Variants in CNTLN observed in about 807,000 individuals in gnomAD.
The protein encoded by CNTLN is centlein, centrosomal protein.
In CNTLN, 212 loss-of-function variants were observed where a neutral mutation model predicts 180.0. The ratio of observed to expected loss-of-function variants is 1.18; its 90% CI spans 1.05 to 1.32. The LOEUF (loss-of-function observed/expected upper bound fraction) is 1.32. Among genes scored for constraint, CNTLN ranks in the 40% most tolerant of loss-of-function variants. The probability of loss-of-function intolerance (pLI) is 0.00; values close to 1 mark genes in which losing one functional copy is unlikely to be tolerated. For synonymous variants in CNTLN, 722 were observed against 563.1 expected (o/e 1.28, Z -3.99); for missense variants, 2,095 against 1,610.9 (o/e 1.30, Z -5.14).
chr9:17,275,357 C>T (rs1828245171), intron 6 of CNTLN, among the ~76,000 whole-genome samples: 1 of 152,076 alleles, frequency 6.6e-6, no homozygotes, highest in Non-Finnish European at 1.5e-5. Context: ...ACCATCTAAT[C>T]CCTATTCTGT....
chr9:17,517,832 T>C, the CNTLN span, among the ~76,000 whole-genome samples: 3 of 152,006 alleles, frequency 2.0e-5, no homozygotes, highest in East Asian at 5.8e-4. Flanking sequence ...GGGAAAGTAA[T>C]ACAAAGGGTG....
intron 6 of CNTLN, among the ~76,000 whole-genome samples, chr9:17,292,892 A>G (rs670058): frequency 0.49 from 74,977 of 151,788 alleles, 19,696 homozygotes; most frequent in South Asian, 0.73. Context: ...GGCTTTTTGA[A>G]TTTTCATTGA....
chr9:17,248,455 C>G (rs1033505282), intron 5 of CNTLN, among the ~76,000 whole-genome samples: 1 of 150,730 alleles, frequency 6.6e-6, no homozygotes, highest in African/African-American at 2.4e-5. Context: ...TTTAGGTAAT[C>G]CAGGTGTTTC....
At chr9:17,413,928 G>C (rs915086149) in intron 16 of CNTLN, among the ~76,000 whole-genome samples, 2 of 152,146 alleles carry the variant, frequency 1.3e-5, no homozygotes, top group Non-Finnish European at 2.9e-5. Context: ...TAGAACCTTT[G>C]TTTGTAATAG....
At chr9:17,257,999 A>G (rs1333509522) in intron 5 of CNTLN, among the ~76,000 whole-genome samples, 9 of 149,942 alleles carry the variant, frequency 6.0e-5, no homozygotes, top group Non-Finnish European at 1.3e-4. Context: ...CCATTTGTCA[A>G]TTTTGTCTTT....
intron 2 of CNTLN, among the ~76,000 whole-genome samples, chr9:17,152,873 G>T (rs1207832222): frequency 1.3e-5 from 2 of 152,038 alleles, no homozygotes; most frequent in Non-Finnish European, 2.9e-5. Context: ...ATTTAGGATA[G>T]TTCACTCTTG....
In CNTLN at chr9:17,502,835, A is replaced by G. The variant is rs1459343543; in HGVS notation, c.*183A>G. ...AGTGAAACTAATTAAGTACATAGCCATTTAAAAGGAAATAGTGTAGCATCT... is the reference window on the plus strand; with the variant it reads ...AGTGAAACTAATTAAGTACATAGCCGTTTAAAAGGAAATAGTGTAGCATCT... On this transcript the variant is annotated 3_prime_UTR_variant, in exon 26 of 26. Coordinates refer to ENST00000380647, the MANE Select transcript of CNTLN (RefSeq NM_017738.4). The G allele has an allele frequency of 3.0e-6, 1 of 334,036 alleles. No homozygotes were observed. Among genetic ancestry groups the G allele is most frequent in the Admixed American group, 5.3e-5 (1 of 19,038 alleles). 20.7% of individuals were successfully genotyped at this position (334,036 alleles called of 1,614,324 possible). A position where few individuals can be genotyped will look rare whatever the true frequency, so the allele number is the denominator to read the frequency against.
At chr9:17,516,415 T>C in the CNTLN span, among the ~76,000 whole-genome samples, 1 of 152,198 alleles carries the variant, frequency 6.6e-6, no homozygotes, top group African/African-American at 2.4e-5. Flanking sequence ...ATTCAATTAA[T>C]GTTTTATGTG....
chr9:17,480,148 A>G lies in CNTLN; in HGVS notation c.3856-4147A>G, dbSNP rs147269852. 2.8e-3 allele frequency among the ~76,000 whole-genome samples: 422 copies of G among 152,180 alleles called. 2 individuals are homozygous for G. The highest frequency in any genetic ancestry group is 0.014 in the Middle Eastern group (4 of 294). On this transcript the variant is annotated intron_variant, in intron 23 of 25. Coordinates refer to ENST00000380647, the MANE Select transcript of CNTLN (RefSeq NM_017738.4). Reference sequence around the variant, plus strand: ...CAAGGCTATAGTGAGCTATGATTACACCACTGCATTTCAGCCCGGGTGACA... The same window carrying G: ...CAAGGCTATAGTGAGCTATGATTACGCCACTGCATTTCAGCCCGGGTGACA...
chr9:17,345,870 C>T (rs1437866841), intron 12 of CNTLN, among the ~76,000 whole-genome samples: 1 of 152,148 alleles, frequency 6.6e-6, no homozygotes, highest in African/African-American at 2.4e-5. Flanking sequence ...CTACTGTCCT[C>T]ATTGCTAGTC....
chr9:17,472,916 T>C (rs1162487844), intron 23 of CNTLN, among the ~76,000 whole-genome samples: 1 of 152,142 alleles, frequency 6.6e-6, no homozygotes, highest in Non-Finnish European at 1.5e-5. Flanking sequence ...CACTAATTAC[T>C]ACCACCCTCC....
At chr9:17,266,149 C>G (rs1192202410) in intron 5 of CNTLN, among the ~76,000 whole-genome samples, 1 of 150,522 alleles carries the variant, frequency 6.6e-6, no homozygotes, top group Non-Finnish European at 1.5e-5. Flanking sequence ...AGTTTTGGAT[C>G]TTCCTGCTTT....
At chr9:17,318,032 T>TC (rs567378107) in intron 8 of CNTLN, among the ~76,000 whole-genome samples, 347 of 147,092 alleles carry the variant, frequency 2.4e-3, no homozygotes, top group East Asian at 5.5e-3. Flanking sequence ...TCTTTTCTTT[T>TC]TTTTTTTTTT....
At chr9:17,188,104 G>A (rs1165518786) in intron 2 of CNTLN, among the ~76,000 whole-genome samples, 2 of 150,406 alleles carry the variant, frequency 1.3e-5, no homozygotes, top group South Asian at 2.1e-4. Context: ...CTTTTCCTCC[G>A]CAAAGTTTCA....
intron 16 of CNTLN, among the ~76,000 whole-genome samples, chr9:17,411,436 G>C (rs1387486463): frequency 6.6e-6 from 1 of 152,086 alleles, no homozygotes; most frequent in Admixed American, 6.6e-5. Context: ...CAATAAGTAG[G>C]CACTCTTCAC....
rs562128286 is a variant in CNTLN at position 17,296,094 on chromosome 9, T to C, written c.984-2096T>C. On this transcript the variant is annotated intron_variant, in intron 6 of 25. Transcript: ENST00000380647. ...TGGAGTGGGGTGGTGCGATCTCGGCTCAGGATCAAATGATTCCTCTGCCTC... is the reference window on the plus strand; with the variant it reads ...TGGAGTGGGGTGGTGCGATCTCGGCCCAGGATCAAATGATTCCTCTGCCTC... 4.6e-5 allele frequency among the ~76,000 whole-genome samples: 7 copies of C among 151,504 alleles called. No homozygotes were observed. In the East Asian group the frequency reaches 5.9e-4, roughly 13 times the overall value.
chr9:17,399,399 C>T (rs1826789550), intron 15 of CNTLN, among the ~76,000 whole-genome samples: 1 of 152,186 alleles, frequency 6.6e-6, no homozygotes. Flanking sequence ...ATTTCTCAAA[C>T]ACAACATAAA....
intron 23 of CNTLN, among the ~76,000 whole-genome samples, chr9:17,480,861 A>G (rs1225305056): frequency 6.6e-6 from 1 of 152,238 alleles, no homozygotes; most frequent in African/African-American, 2.4e-5. Flanking sequence ...TGTAACTTTG[A>G]ATTTTAGATA....
intron 21 of CNTLN, 89 bp from the exon 22 acceptor site, chr9:17,465,892 A>T: frequency 3.3e-6 from 3 of 899,342 alleles, no homozygotes; most frequent in Non-Finnish European, 5.0e-6. Flanking sequence ...AAGTAGACTC[A>T]TTCACTCATT....
Sources: gnomAD v4.1 joint callset for allele counts (sites outside exome capture counted in the v4.1 genomes callset) on GRCh38, gnomAD v4.1.1 for gene constraint, MANE v1.5 for transcripts, NCBI Gene and HGNC (gene_info 2026-07-23, HGNC 2026-07-21) for gene names.